DGKB: variants seen among roughly 807,000 people sequenced by gnomAD.
The protein encoded by DGKB is diacylglycerol kinase beta.
A neutral mutation model predicts 114.3 loss-of-function variants in DGKB; 67 were observed. That is an observed-to-expected ratio of 0.59 (90% CI 0.48 to 0.72). The LOEUF (loss-of-function observed/expected upper bound fraction) is 0.72. Ranked by LOEUF, DGKB falls within the 30% of genes least tolerant of loss-of-function variation. The pLI, the probability that DGKB is intolerant of heterozygous loss-of-function variation, is 0.00. For missense variants in DGKB, 907 were observed against 975.2 expected (o/e 0.93, Z 0.93); for synonymous variants, 398 against 323.1 (o/e 1.23, Z -2.49).
chr7:14,708,522 A>G (rs1252021084), intron 6 of DGKB, among the ~76,000 whole-genome samples: 3 of 151,366 alleles, frequency 2.0e-5, no homozygotes, highest in African/African-American at 7.4e-5. Context: ...TCCTAAGCCA[A>G]AAGAACAAAG....
In DGKB at chr7:14,493,326, T is replaced by C. The variant is rs934825727; in HGVS notation, c.1771-15101A>G. Among the ~76,000 whole-genome samples, 83 of 152,178 alleles carry C rather than the reference T, an allele frequency of 5.5e-4. 1 individual carries two copies. The highest frequency in any genetic ancestry group is 1.9e-3 in the Admixed American group (29 of 15,246). Reference sequence around the variant, plus strand: ...AGAACCGTGTATATAAGTATATATATGGTTTTCCCTTACATATGTACATAC... The same window carrying C: ...AGAACCGTGTATATAAGTATATATACGGTTTTCCCTTACATATGTACATAC... On this transcript the variant is annotated intron_variant, in intron 20 of 25. Coordinates refer to ENST00000402815, the MANE Select transcript of DGKB (RefSeq NM_001350709.2).
At chr7:14,695,494 C>CTCTTTTTTTTTTTTTT (rs1823671843) in intron 8 of DGKB, among the ~76,000 whole-genome samples, 2 of 75,156 alleles carry the variant, frequency 2.7e-5, no homozygotes, top group Non-Finnish European at 4.6e-5. Context: ...CTCTCTCTCT[C>CTCTTTTTTTTTTTTTT]TTTTTTTTTT....
At chr7:14,536,175 G>T (rs1432694180) in intron 20 of DGKB, among the ~76,000 whole-genome samples, 1 of 152,032 alleles carries the variant, frequency 6.6e-6, no homozygotes, top group Non-Finnish European at 1.5e-5. Flanking sequence ...TATCAATAAA[G>T]AAAATCTCAG....
chr7:14,935,464 A>G (rs113253531), intron 1 of DGKB, among the ~76,000 whole-genome samples: 8,071 of 152,240 alleles, frequency 0.053, 275 homozygotes, highest in Middle Eastern at 0.078. Context: ...AAACTATCAC[A>G]TGCATTTTCT....
At chr7:14,228,201 G>A (rs1791129856) in intron 23 of DGKB, among the ~76,000 whole-genome samples, 1 of 151,916 alleles carries the variant, frequency 6.6e-6, no homozygotes, top group Admixed American at 6.6e-5. Context: ...ACTGGTGCGT[G>A]TTAGGTTTGT....
intron 2 of DGKB, among the ~76,000 whole-genome samples, chr7:14,786,139 T>TACACACACACAC (rs367551082): frequency 6.7e-6 from 1 of 148,464 alleles, no homozygotes; most frequent in African/African-American, 2.5e-5. Flanking sequence ...CAGGAACATG[T>TACACACACACAC]ACACACACAC....
At chr7:14,540,723 A>T (rs1446616940) in intron 20 of DGKB, among the ~76,000 whole-genome samples, 2 of 152,118 alleles carry the variant, frequency 1.3e-5, no homozygotes, top group African/African-American at 4.8e-5. Context: ...TTCATTTTCT[A>T]CAAATTGTGG....
intron 20 of DGKB, among the ~76,000 whole-genome samples, chr7:14,526,410 A>T (rs1790654414): frequency 6.6e-6 from 1 of 152,092 alleles, no homozygotes; most frequent in South Asian, 2.1e-4. Flanking sequence ...AATCAACTCC[A>T]CTGAGAACCT....
Position 14,952,374 on chromosome 7 carries a change from T to C in DGKB, c.-188+22322A>G, listed in dbSNP as rs568560034. ...TGATATAACATCGCACGTACATGGATCGAATGACTTAATATTGCTAATATA... is the reference window on the plus strand; with the variant it reads ...TGATATAACATCGCACGTACATGGACCGAATGACTTAATATTGCTAATATA... On this transcript the variant is annotated intron_variant, in intron 1 of 4. Transcript: ENST00000437998. 3.3e-5 allele frequency among the ~76,000 whole-genome samples: 5 copies of C among 152,146 alleles called. No individual in the cohort carries two copies. The East Asian group carries it at 9.7e-4, about 30-fold the overall frequency.
In DGKB at chr7:14,841,448, G is replaced by C. The variant is rs967302960; in HGVS notation, c.-185C>G. 7 of 313,004 alleles carry C rather than the reference G, an allele frequency of 2.2e-5. No homozygotes were observed. Among genetic ancestry groups the C allele is most frequent in the Non-Finnish European group, 3.1e-5 (6 of 192,236 alleles). 19.4% of individuals were successfully genotyped at this position (313,004 alleles called of 1,614,324 possible). A position where few individuals can be genotyped will look rare whatever the true frequency, so the allele number is the denominator to read the frequency against. On this transcript the variant is annotated splice_region_variant and 5_prime_UTR_variant, in exon 2 of 26. Coordinates refer to ENST00000402815, the MANE Select transcript of DGKB (RefSeq NM_001350709.2). ...CTTGTAATTTCAATAATGTGTTAAAGAACTGCAAAAAAAAAAAACAGATCA... is the reference window on the plus strand; with the variant it reads ...CTTGTAATTTCAATAATGTGTTAAACAACTGCAAAAAAAAAAAACAGATCA...
rs1786381928 is a variant in DGKB at position 14,954,383 on chromosome 7, T to C, written c.-188+20313A>G. 2.0e-5 allele frequency among the ~76,000 whole-genome samples: 3 copies of C among 151,990 alleles called. No individual in the cohort carries two copies. The South Asian group carries it at 6.2e-4, about 31-fold the overall frequency. On this transcript the variant is annotated intron_variant, in intron 1 of 4. Coordinates refer to the DGKB transcript ENST00000437998. ...GTCAGAGAGGTATGGGATAAGACTT[T>C]AAAAAGAAAAAAAGCAAAATCATGC...
chr7:14,516,455 T>C (rs1788812013), intron 20 of DGKB, among the ~76,000 whole-genome samples: 1 of 152,168 alleles, frequency 6.6e-6, no homozygotes, highest in Non-Finnish European at 1.5e-5. Flanking sequence ...GAAGATCTGA[T>C]CTGGAATAAG....
At chr7:14,294,096 A>G (rs929417118) in intron 23 of DGKB, among the ~76,000 whole-genome samples, 1 of 152,088 alleles carries the variant, frequency 6.6e-6, no homozygotes, top group African/African-American at 2.4e-5. Flanking sequence ...AGCTTCTAGT[A>G]ACCATCTGTA....
At chr7:14,301,739 A>T (rs1358638887) in intron 23 of DGKB, among the ~76,000 whole-genome samples, 2 of 152,128 alleles carry the variant, frequency 1.3e-5, no homozygotes. Flanking sequence ...GACTAATAAG[A>T]GAGTAAAAAA....
intron 4 of DGKB, among the ~76,000 whole-genome samples, chr7:14,739,742 C>G (rs756528935): frequency 1.3e-5 from 2 of 152,186 alleles, no homozygotes; most frequent in East Asian, 1.9e-4. Context: ...GAAACTGCAC[C>G]CCTTGCGTCA....
intron 1 of DGKB, among the ~76,000 whole-genome samples, chr7:14,911,113 T>C (rs1472303105): frequency 6.6e-6 from 1 of 152,106 alleles, no homozygotes; most frequent in Non-Finnish European, 1.5e-5. Flanking sequence ...TGTATACATG[T>C]AGTAAAACAT....
intron 21 of DGKB, among the ~76,000 whole-genome samples, chr7:14,474,005 T>A (rs947158398): frequency 2.0e-4 from 30 of 152,148 alleles, no homozygotes; most frequent in African/African-American, 7.0e-4. Context: ...GACTTTTGAG[T>A]TAATGCTGAA....
intron 21 of DGKB, among the ~76,000 whole-genome samples, chr7:14,381,832 T>C (rs1260589833): frequency 6.6e-6 from 1 of 152,186 alleles, no homozygotes; most frequent in African/African-American, 2.4e-5. Flanking sequence ...TTAAATTATA[T>C]TGGTCCCAGA....
intron 23 of DGKB, among the ~76,000 whole-genome samples, chr7:14,264,697 G>C (rs1005478416): frequency 3.5e-4 from 53 of 152,166 alleles, no homozygotes; most frequent in Non-Finnish European, 6.8e-4. Flanking sequence ...GAAAGAAAGA[G>C]AGGTCAAGGT....
Sources: allele counts gnomAD v4.1 joint callset (sites outside exome capture counted in the v4.1 genomes callset), GRCh38; gene constraint gnomAD v4.1.1; transcripts MANE v1.5; gene names NCBI Gene and HGNC (gene_info 2026-07-23, HGNC 2026-07-21).